Variants in CADM1 observed in about 807,000 individuals in gnomAD.
CADM1 encodes the protein TSLC-1.
Under a neutral mutation model 53.1 loss-of-function variants are expected in CADM1, and 15 were observed. The observed-to-expected ratio is 0.28, with a 90% CI of 0.19 to 0.44. CADM1 has a LOEUF of 0.44. CADM1 is among the 20% of genes least tolerant of loss of function. The pLI, the probability that CADM1 is intolerant of heterozygous loss-of-function variation, is 1.00. For synonymous variants in CADM1, 281 were observed against 243.0 expected (o/e 1.16, Z -1.45); for missense variants, 434 against 611.3 (o/e 0.71, Z 3.06).
In CADM1 at chr11:115,175,765, A is replaced by G; in HGVS notation, c.*709T>C. Reference sequence around the variant, plus strand: ...TGCAGATAACCCTGTACAGTAATGTAGTTCCACAGCAAACAGAACATTTTC... The same window carrying G: ...TGCAGATAACCCTGTACAGTAATGTGGTTCCACAGCAAACAGAACATTTTC... On this transcript the variant is annotated 3_prime_UTR_variant, in exon 12 of 12. Coordinates refer to ENST00000331581, the MANE Select transcript of CADM1 (RefSeq NM_001301043.2). The G allele has an allele frequency of 1.0e-6, 1 of 993,276 alleles. No individual in the cohort carries two copies. Among genetic ancestry groups the G allele is most frequent in the Non-Finnish European group, 1.2e-6 (1 of 834,614 alleles). The allele number at this position is 993,276 out of a possible 1,614,324, so 61.5% of individuals were successfully genotyped here.
chr11:115,192,396 A>T (rs1488540373), intron 9 of CADM1, among the ~76,000 whole-genome samples: 1 of 152,250 alleles, frequency 6.6e-6, no homozygotes, highest in Non-Finnish European at 1.5e-5. Flanking sequence ...GCAGTGAGCA[A>T]TGCAATCAAT....
intron 7 of CADM1, 68 bp downstream of exon 7, chr11:115,214,540 G>C: frequency 6.8e-7 from 1 of 1,469,362 alleles, no homozygotes; most frequent in Non-Finnish European, 9.5e-7. Flanking sequence ...AAAGCTTTGA[G>C]AGTAAATCAC....
At chr11:115,184,708 T>C (rs1939462960) in intron 10 of CADM1, among the ~76,000 whole-genome samples, 1 of 152,210 alleles carries the variant, frequency 6.6e-6, no homozygotes, top group South Asian at 2.1e-4. Flanking sequence ...TGTAACTGCA[T>C]CTATACTAAC....
chr11:115,218,970 A>C (rs1941300728), intron 5 of CADM1, among the ~76,000 whole-genome samples: 1 of 151,626 alleles, frequency 6.6e-6, no homozygotes, highest in Non-Finnish European at 1.5e-5. Flanking sequence ...TGTAATTAGG[A>C]GATCGTTTTT....
intron 1 of CADM1, among the ~76,000 whole-genome samples, chr11:115,482,446 C>T (rs753437099): frequency 4.6e-5 from 7 of 152,170 alleles, no homozygotes; most frequent in Admixed American, 2.0e-4. Flanking sequence ...CACACAAACA[C>T]ATACACACAC....
intron 8 of CADM1, among the ~76,000 whole-genome samples, chr11:115,199,650 G>A (rs1940327298): frequency 6.6e-6 from 1 of 152,196 alleles, no homozygotes; most frequent in African/African-American, 2.4e-5. Context: ...TCATTCCAAT[G>A]TCAACCCATC....
Position 115,302,827 on chromosome 11 carries a change from C to T in CADM1, c.125-62407G>A, listed in dbSNP as rs1944266837. Among the ~76,000 whole-genome samples the T allele has an allele frequency of 2.0e-5, 3 of 152,022 alleles. No homozygotes were observed. In the South Asian group the frequency reaches 6.2e-4, roughly 32 times the overall value. On this transcript the variant is annotated intron_variant, in intron 1 of 11. Transcript: ENST00000331581. ...CACTGGGTCACCATTGGTGACCCAA[C>T]GGTGGCAGCATTGGATTATAGCCAG... is the stretch of plus-strand genomic sequence containing the variant.
chr11:115,382,686 C>G (rs1040904940), intron 1 of CADM1, among the ~76,000 whole-genome samples: 1 of 152,034 alleles, frequency 6.6e-6, no homozygotes, highest in African/African-American at 2.4e-5. Flanking sequence ...ACCTTTATTT[C>G]CTTTATAGGA....
rs576112224 is a variant in CADM1, at chr11:115,485,788, C to T, written c.124+18483G>A. 1.4e-4 allele frequency among the ~76,000 whole-genome samples: 21 copies of T among 152,276 alleles called. No individual in the cohort carries two copies. In the South Asian group the frequency reaches 3.1e-3, roughly 23 times the overall value. On this transcript the variant is annotated intron_variant, in intron 1 of 11. Coordinates refer to ENST00000331581, the MANE Select transcript of CADM1 (RefSeq NM_001301043.2). ...TATGTCTTTACCAGCAGTGTGAGAA[C>T]GCTAAGACACATCTCTTTGCAGATG...
chr11:115,281,884 T>C (rs1943595163), intron 1 of CADM1, among the ~76,000 whole-genome samples: 1 of 151,982 alleles, frequency 6.6e-6, no homozygotes, highest in East Asian at 1.9e-4. Flanking sequence ...AAGAACACCA[T>C]GTCACTGACA....
At chr11:115,321,550 A>C (rs989748661) in intron 1 of CADM1, among the ~76,000 whole-genome samples, 1 of 152,230 alleles carries the variant, frequency 6.6e-6, no homozygotes, top group African/African-American at 2.4e-5. Context: ...TACTAGGGTA[A>C]TAAAAATCTT....
chr11:115,477,107 T>C (rs190054619), intron 1 of CADM1, among the ~76,000 whole-genome samples: 154 of 152,026 alleles, frequency 1.0e-3, no homozygotes, highest in African/African-American at 3.7e-3. Context: ...GATAGGATGG[T>C]GCACAGATTA....
At chr11:115,314,663 T>C (rs1325239687) in intron 1 of CADM1, among the ~76,000 whole-genome samples, 1 of 152,168 alleles carries the variant, frequency 6.6e-6, no homozygotes, top group East Asian at 1.9e-4. Context: ...GTGCCCATAA[T>C]TTCTGTGCTC....
intron 1 of CADM1, among the ~76,000 whole-genome samples, chr11:115,295,550 A>ATATATATATATATT (rs371584699): frequency 3.8e-5 from 2 of 53,002 alleles, no homozygotes; most frequent in Non-Finnish European, 5.9e-5. Context: ...ATATATATAT[A>ATATATATATATATT]ATATATATGT....
At chr11:115,344,909 A>T (rs1161601705) in intron 1 of CADM1, among the ~76,000 whole-genome samples, 3 of 152,178 alleles carry the variant, frequency 2.0e-5, no homozygotes, top group African/African-American at 2.4e-5. Context: ...GTCAGGTTTC[A>T]AGGTACTCTA....
In CADM1 at chr11:115,176,422, T is replaced by C. The variant is rs955652504; in HGVS notation, c.*52A>G. 1.2e-6 allele frequency: 2 copies of C among 1,610,388 alleles called. No individual in the cohort carries two copies. Among genetic ancestry groups the C allele is most frequent in the African/African-American group, 1.3e-5 (1 of 74,858 alleles). On this transcript the variant is annotated 3_prime_UTR_variant, in exon 12 of 12. Coordinates refer to ENST00000331581, the MANE Select transcript of CADM1 (RefSeq NM_001301043.2). ...CGCAAGTTCCAATATCACTGTCTCTTTATCATCTAAATAGGGCCAGTTGGA... is the reference window on the plus strand; with the variant it reads ...CGCAAGTTCCAATATCACTGTCTCTCTATCATCTAAATAGGGCCAGTTGGA...
At chr11:115,338,884 T>A (rs1211764851) in intron 1 of CADM1, among the ~76,000 whole-genome samples, 3 of 128,594 alleles carry the variant, frequency 2.3e-5, no homozygotes, top group African/African-American at 8.3e-5. Flanking sequence ...TTTATTTTTT[T>A]TTTTTTAATT....
At chr11:115,321,096 T>A (rs1409030569) in intron 1 of CADM1, among the ~76,000 whole-genome samples, 1 of 152,212 alleles carries the variant, frequency 6.6e-6, no homozygotes, top group Non-Finnish European at 1.5e-5. Context: ...GCATATTATC[T>A]TAGGTTCTAA....
intron 1 of CADM1, among the ~76,000 whole-genome samples, chr11:115,449,337 A>G (rs967025271): frequency 7.9e-5 from 12 of 152,338 alleles, no homozygotes; most frequent in African/African-American, 2.9e-4. Flanking sequence ...TGTGCTTGGT[A>G]TAGCACAGAT....
Sources: gnomAD v4.1 joint callset for allele counts (sites outside exome capture counted in the v4.1 genomes callset) on GRCh38, gnomAD v4.1.1 for gene constraint, MANE v1.5 for transcripts, NCBI Gene and HGNC (gene_info 2026-07-23, HGNC 2026-07-21) for gene names.